The following KDM1A variants were observed in gnomAD, a reference collection of about 807,000 sequenced individuals.
KDM1A encodes lysine-specific histone demethylase 1A.
A neutral mutation model predicts 109.4 loss-of-function variants in KDM1A; 49 were observed. The ratio of observed to expected loss-of-function variants is 0.45; its 90% CI spans 0.36 to 0.57. The LOEUF (loss-of-function observed/expected upper bound fraction) is 0.57, where lower values mean the gene tolerates loss of function less well. Among genes scored for constraint, KDM1A ranks in the 20% least tolerant of loss-of-function variants. The probability of loss-of-function intolerance (pLI) is 0.00; values close to 1 mark genes in which losing one functional copy is unlikely to be tolerated. For synonymous variants in KDM1A, 380 were observed against 415.4 expected (o/e 0.91, Z 1.04); for missense variants, 668 against 1,116.6 (o/e 0.60, Z 5.73).
chr1:23,036,744 A>G (rs966867904), intron 2 of KDM1A, among the ~76,000 whole-genome samples: 7 of 152,162 alleles, frequency 4.6e-5, no homozygotes, highest in East Asian at 1.9e-4. Context: ...TGTGATATCA[A>G]TATAAAAATT....
intron 10 of KDM1A, among the ~76,000 whole-genome samples, chr1:23,067,075 C>T (rs1569782555): frequency 6.6e-6 from 1 of 152,134 alleles, no homozygotes; most frequent in African/African-American, 2.4e-5. Flanking sequence ...TCTTAGGTAC[C>T]TTCCTGATAT....
At position 23,019,828 on chromosome 1, in the gene KDM1A, C is replaced by T. The variant is rs1201399301; in HGVS notation, c.232C>T (p.Pro78Ser). 7.0e-7 allele frequency: 1 copy of T among 1,435,390 alleles called. No individual in the cohort carries two copies. The highest frequency in any genetic ancestry group is 9.1e-7 in the Non-Finnish European group (1 of 1,096,456). 88.9% of individuals were successfully genotyped at this position (1,435,390 alleles called of 1,614,324 possible). A position where few individuals can be genotyped will look rare whatever the true frequency, so the allele number is the denominator to read the frequency against. Reference protein sequence around the residue: ...ASPPGGLAEPPGSAGPQAGPT... With the variant: ...ASPPGGLAEPSGSAGPQAGPT... ...GCCCCCCGGGGGCCTGGCGGAACCG[C>T]CGGGGTCCGCAGGGCCTCAGGCCGG... Residue 78 changes from proline to serine, a missense_variant, in exon 1 of 21, where the codon CCG becomes TCG. Physicochemically the swap from Pro to Ser is moderately conservative, Grantham distance 74. This residue lies in a region of KDM1A where 156 missense variants were observed against 163.4 expected (regional missense o/e 0.95). Transcript: ENST00000400181.
intron 9 of KDM1A, among the ~76,000 whole-genome samples, chr1:23,061,137 C>T (rs559591955): frequency 6.6e-6 from 1 of 152,174 alleles, no homozygotes; most frequent in Non-Finnish European, 1.5e-5. Flanking sequence ...TGTTTCTGTA[C>T]CACTGTTGTC....
At chr1:23,031,463 C>G (rs1480452201) in intron 2 of KDM1A, among the ~76,000 whole-genome samples, 3 of 152,106 alleles carry the variant, frequency 2.0e-5, no homozygotes, top group African/African-American at 7.2e-5. Flanking sequence ...TAGTCCTGTA[C>G]CTTTTAAAAA....
intron 1 of KDM1A, chr1:23,020,700 G>T (rs964384616): frequency 7.3e-5 from 11 of 150,888 alleles, no homozygotes; most frequent in African/African-American, 2.4e-4. Flanking sequence ...ACTTTTTTTT[G>T]TTGTTGTTAA....
rs182340189 is a variant in KDM1A, at chr1:23,022,004, A to G, written c.351+2057A>G. ...TTGTAGTGCTTTCATTCAGTACTTG[A>G]TAACTCTTTATGGCTGAATAATATT... is the stretch of plus-strand genomic sequence containing the variant. On this transcript the variant is annotated intron_variant, in intron 1 of 20. Coordinates refer to ENST00000400181, the MANE Select transcript of KDM1A (RefSeq NM_001009999.3). 7.9e-5 allele frequency among the ~76,000 whole-genome samples: 12 copies of G among 152,316 alleles called. No individual in the cohort carries two copies. In the East Asian group the frequency reaches 2.3e-3, roughly 29 times the overall value.
At chr1:23,041,239 A>G (rs376658858) in intron 2 of KDM1A, among the ~76,000 whole-genome samples, 2 of 152,190 alleles carry the variant, frequency 1.3e-5, no homozygotes, top group East Asian at 1.9e-4. Flanking sequence ...ACTCTCAAGT[A>G]TGATTGGAGT....
chr1:23,033,492 A>C (rs1203620421), intron 2 of KDM1A, among the ~76,000 whole-genome samples: 2 of 152,156 alleles, frequency 1.3e-5, no homozygotes, highest in Non-Finnish European at 2.9e-5. Flanking sequence ...ACTGCACTCC[A>C]GTCTTTGTGA....
At chr1:23,033,078 GT>G (rs1455895191) in intron 2 of KDM1A, among the ~76,000 whole-genome samples, 2 of 152,078 alleles carry the variant, frequency 1.3e-5, no homozygotes, top group African/African-American at 4.8e-5. Flanking sequence ...TGCATTTTTA[GT>G]AGAGACAGGG....
Position 23,059,301 on chromosome 1 carries a change from T to G in KDM1A, c.1167+134T>G, listed in dbSNP as rs1474015502. 5.3e-6 allele frequency: 4 copies of G among 750,948 alleles called. No individual in the cohort carries two copies. The South Asian group carries it at 5.6e-5, about 11-fold the overall frequency. 46.5% of individuals were successfully genotyped at this position (750,948 alleles called of 1,614,324 possible). ...TATATATATAAACTGAGGGTAGAGA[T>G]GATGTGATGTTATTCTGGTTGTTTC... On this transcript the variant is annotated intron_variant, in intron 9 of 20. Transcript: ENST00000400181.
intron 2 of KDM1A, among the ~76,000 whole-genome samples, chr1:23,031,808 A>G (rs1426857801): frequency 6.6e-6 from 1 of 152,202 alleles, no homozygotes; most frequent in African/African-American, 2.4e-5. Flanking sequence ...AGTTCATTCA[A>G]AAGTCAGGGA....
intron 10 of KDM1A, among the ~76,000 whole-genome samples, chr1:23,066,751 C>T (rs1382048425): frequency 6.6e-6 from 1 of 152,184 alleles, no homozygotes; most frequent in Admixed American, 6.5e-5. Flanking sequence ...ACCTAGATTT[C>T]ACATTGAAAT....
chr1:23,051,823 T>A (rs1320026812), intron 4 of KDM1A, among the ~76,000 whole-genome samples: 1 of 152,204 alleles, frequency 6.6e-6, no homozygotes, highest in South Asian at 2.1e-4. Flanking sequence ...TTTTGGCTAT[T>A]AGATTGCAAA....
At position 23,056,236 on chromosome 1, in the gene KDM1A, A is replaced by G. The variant is rs763310; in HGVS notation, c.990+198A>G. On this transcript the variant is annotated intron_variant, in intron 7 of 20. Transcript: ENST00000400181. ...GAATGCTTTGAAAAGTACTCTGTGA[A>G]GAGGGTTTTAGAGTATTTCTTTTCC... Among the ~76,000 whole-genome samples, 123,181 of 151,934 alleles carry G rather than the reference A, an allele frequency of 0.81. 50,346 individuals are homozygous for G. The highest frequency in any genetic ancestry group is 0.83 in the Non-Finnish European group (56,734 of 67,976).
At chr1:23,072,314 A>T (rs1395333528) in intron 14 of KDM1A, 117 bp downstream of exon 14, 3 of 723,738 alleles carry the variant, frequency 4.1e-6, no homozygotes, top group Non-Finnish European at 7.1e-6. Flanking sequence ...GAGTGGTTTA[A>T]ATTGTTAAAT....
At chr1:23,049,537 T>G (rs975463114) in intron 3 of KDM1A, among the ~76,000 whole-genome samples, 51 of 151,936 alleles carry the variant, frequency 3.4e-4, no homozygotes, top group African/African-American at 1.2e-3. Flanking sequence ...TACAAAAAAT[T>G]AGCCAGGCAT....
At chr1:23,024,557 G>A (rs1400621693) in intron 1 of KDM1A, among the ~76,000 whole-genome samples, 1 of 152,210 alleles carries the variant, frequency 6.6e-6, no homozygotes, top group African/African-American at 2.4e-5. Flanking sequence ...GAGTGTCCCT[G>A]AAGCTTCAGT....
chr1:23,020,201 G>A (rs1641580062), intron 1 of KDM1A: 2 of 390,180 alleles, frequency 5.1e-6, no homozygotes, highest in Non-Finnish European at 9.1e-6. Flanking sequence ...GCTGGGAGGG[G>A]TATTTTATTC....
rs1257920513 is a variant in KDM1A, at chr1:23,031,700, G to A, written c.517+1066G>A. Among the ~76,000 whole-genome samples the A allele has an allele frequency of 2.0e-5, 3 of 151,952 alleles. No individual in the cohort carries two copies. In the East Asian group the frequency reaches 5.8e-4, roughly 29 times the overall value. On this transcript the variant is annotated intron_variant, in intron 2 of 20. Coordinates refer to ENST00000400181, the MANE Select transcript of KDM1A (RefSeq NM_001009999.3). ...TTAGGTTTGGAGCTTATCAAAGTCT[G>A]GCTAAAACTTAAAAATCAAATTTAT...
Sources: gnomAD v4.1 joint callset for allele counts (sites outside exome capture counted in the v4.1 genomes callset) on GRCh38, gnomAD v4.1.1 for gene constraint, gnomAD v4.1.1 regional missense constraint, MANE v1.5 for transcripts, NCBI Gene and HGNC (gene_info 2026-07-23, HGNC 2026-07-21) for gene names.